Variants in SYNJ2 observed in about 807,000 individuals in gnomAD.
SYNJ2 encodes the protein synaptojanin 2.
A neutral mutation model predicts 141.3 loss-of-function variants in SYNJ2; 116 were observed. The ratio of observed to expected loss-of-function variants is 0.82; its 90% CI spans 0.71 to 0.96. The LOEUF is 0.96. Ranked by LOEUF, SYNJ2 falls within the 40% of genes least tolerant of loss-of-function variation. SYNJ2 has a pLI of 0.00. For missense variants in SYNJ2, 1,873 were observed against 1,934.8 expected (o/e 0.97, Z 0.60); for synonymous variants, 745 against 777.7 (o/e 0.96, Z 0.70).
chr6:158,008,596 G>A (rs1207381871), intron 1 of SYNJ2, among the ~76,000 whole-genome samples: 1 of 152,230 alleles, frequency 6.6e-6, no homozygotes, highest in Non-Finnish European at 1.5e-5. Context: ...CTGGGAGAAG[G>A]TGGAGTTGGT....
chr6:158,077,231 T>A (rs1253672595), intron 17 of SYNJ2, among the ~76,000 whole-genome samples: 2 of 152,234 alleles, frequency 1.3e-5, no homozygotes, highest in East Asian at 3.9e-4. Flanking sequence ...CAACCTCAGG[T>A]GATCTGCCCA....
intron 6 of SYNJ2, among the ~76,000 whole-genome samples, chr6:158,056,029 T>A (rs1763067089): frequency 1.3e-5 from 2 of 152,140 alleles, no homozygotes; most frequent in South Asian, 4.1e-4. Flanking sequence ...TGGCTGAGCT[T>A]GGTGGCTCAG....
chr6:158,093,423 G>A (rs1317330660), intron 26 of SYNJ2, among the ~76,000 whole-genome samples: 1 of 144,734 alleles, frequency 6.9e-6, no homozygotes, highest in African/African-American at 2.6e-5. Context: ...GCAGCAGAGT[G>A]AGACTCCACC....
intron 5 of SYNJ2, among the ~76,000 whole-genome samples, chr6:158,049,878 C>G (rs562718116): frequency 6.6e-6 from 1 of 152,020 alleles, no homozygotes; most frequent in South Asian, 2.1e-4. Flanking sequence ...GGACATGGCT[C>G]TGCAGGTATG....
chr6:157,999,857 TTC>T (rs1445673847), intron 1 of SYNJ2, among the ~76,000 whole-genome samples: 1 of 152,146 alleles, frequency 6.6e-6, no homozygotes, highest in Non-Finnish European at 1.5e-5. Flanking sequence ...GGGAGACCTG[TTC>T]TCTTTCGAGC....
At chr6:157,999,118 C>G (rs760737962) in intron 1 of SYNJ2, among the ~76,000 whole-genome samples, 1 of 152,184 alleles carries the variant, frequency 6.6e-6, no homozygotes, top group Non-Finnish European at 1.5e-5. Context: ...ACAAATAGTT[C>G]AACAGAGAAA....
chr6:158,063,495 C>T (rs1244418528), intron 8 of SYNJ2, among the ~76,000 whole-genome samples: 1 of 151,838 alleles, frequency 6.6e-6, no homozygotes, highest in Non-Finnish European at 1.5e-5. Flanking sequence ...ACCGTCTGTA[C>T]TAAAAATACA....
chr6:158,045,390 G>A (rs567441378), intron 5 of SYNJ2, among the ~76,000 whole-genome samples: 3 of 152,160 alleles, frequency 2.0e-5, no homozygotes, highest in East Asian at 1.9e-4. Context: ...GATTACAGGC[G>A]TGAGCCACCG....
At chr6:158,088,550 G>C in intron 23 of SYNJ2, 110 bp from the exon 24 acceptor site, 1 of 772,540 alleles carries the variant, frequency 1.3e-6, no homozygotes, top group East Asian at 2.4e-5. Flanking sequence ...GGACCTCACC[G>C]TGTCTGTGGT....
chr6:158,085,747 G>A (rs768774348), intron 22 of SYNJ2, among the ~76,000 whole-genome samples: 8 of 152,110 alleles, frequency 5.3e-5, no homozygotes, highest in Non-Finnish European at 1.0e-4. Context: ...TGGGACCCTG[G>A]AAGCCTGGCG....
chr6:158,083,950 C>T lies in SYNJ2; in HGVS notation c.3035-51C>T, dbSNP rs566137187. On this transcript the variant is annotated intron_variant, in intron 21 of 26. Transcript: ENST00000355585. The stretch of plus-strand genomic sequence containing the variant: ...CAGTCCCACTGATGGAAGACTGAGC[C>T]TTTCCCCCTCATTGTTTTCACCCGA... 92 of 1,593,318 alleles carry T rather than the reference C, an allele frequency of 5.8e-5. No homozygotes were observed. In the East Asian group the frequency reaches 2.0e-3, roughly 35 times the overall value.
At chr6:157,989,227 C>T (rs1227174003) in intron 1 of SYNJ2, among the ~76,000 whole-genome samples, 1 of 151,876 alleles carries the variant, frequency 6.6e-6, no homozygotes, top group Admixed American at 6.6e-5. Flanking sequence ...GTGTTTACCA[C>T]CTACCAGGTG....
intron 22 of SYNJ2, among the ~76,000 whole-genome samples, chr6:158,086,324 G>A (rs893719188): frequency 2.0e-5 from 3 of 152,192 alleles, no homozygotes; most frequent in South Asian, 2.1e-4. Context: ...TGCAGGGCAG[G>A]TCAAGATGGC....
intron 1 of SYNJ2, among the ~76,000 whole-genome samples, chr6:157,993,832 T>G (rs1379106936): frequency 6.7e-4 from 53 of 79,246 alleles, no homozygotes; most frequent in African/African-American, 1.1e-3. Flanking sequence ...TTTTTTTTTT[T>G]GGGACGGAGT....
intron 1 of SYNJ2, among the ~76,000 whole-genome samples, chr6:157,984,980 G>A (rs771915454): frequency 2.0e-5 from 3 of 152,194 alleles, no homozygotes; most frequent in African/African-American, 4.8e-5. Flanking sequence ...ATCCTGCTCC[G>A]CTGCGGATGC....
In SYNJ2 at chr6:158,078,181, C is replaced by T. The variant is rs368186444; in HGVS notation, c.2467C>T (p.Leu823=). 2.5e-6 allele frequency: 4 copies of T among 1,613,256 alleles called. No individual in the cohort carries two copies. Among genetic ancestry groups the T allele is most frequent in the Non-Finnish European group, 3.4e-6 (4 of 1,179,380 alleles). ...GCGAGTAGCTGGAGAACTCAACCTTCTAGACAGTGATCTAGATGTTGACAC... is the reference window on the plus strand; with the variant it reads ...GCGAGTAGCTGGAGAACTCAACCTTTTAGACAGTGATCTAGATGTTGACAC... The part of the protein sequence containing the change: ...FDKTAGELNL[L]DSDLDVDTKV... The change falls in exon 18 of 27, where the codon CTA becomes TTA. Residue 823 remains leucine, a synonymous_variant. Coordinates refer to ENST00000355585, the MANE Select transcript of SYNJ2 (RefSeq NM_003898.4).
chr6:158,091,497 C>T (rs1783447558), intron 25 of SYNJ2, among the ~76,000 whole-genome samples: 1 of 151,352 alleles, frequency 6.6e-6, no homozygotes, highest in African/African-American at 2.4e-5. Context: ...GCCTGTAATC[C>T]CAGCGCTTTG....
rs1269749098 is a variant in SYNJ2 at position 158,043,078 on chromosome 6, G to T, written c.712-238G>T. Among the ~76,000 whole-genome samples, 1 of 152,132 alleles carries T rather than the reference G, an allele frequency of 6.6e-6. No individual in the cohort carries two copies. Among genetic ancestry groups the T allele is most frequent in the African/African-American group, 2.4e-5 (1 of 41,422 alleles). On this transcript the variant is annotated intron_variant, in intron 4 of 26. Transcript: ENST00000355585. The surrounding 1 kb of genome is among the most constrained non-coding windows in gnomAD (Gnocchi z 4.0). ...TGTGAATTCCCGGAGACCCTGGGAG[G>T]CCCCAACCCCCAGCAGACCCCCTCC...
chr6:157,984,398 TA>T lies in SYNJ2; in HGVS notation c.127+2311del, dbSNP rs149613650. Among the ~76,000 whole-genome samples the T allele has an allele frequency of 6.1e-4, 93 of 152,322 alleles. 1 individual carries two copies. In the South Asian group the frequency reaches 0.011, roughly 18 times the overall value. ...ACTTTCCTTTCTTGGAGAAAGTGAT[TA>T]TTTTTTTTCTTTTTTTTGAGATGGA... On this transcript the variant is annotated intron_variant, in intron 1 of 26. Transcript: ENST00000355585.
Sources: allele counts gnomAD v4.1 joint callset (sites outside exome capture counted in the v4.1 genomes callset), GRCh38; gene constraint gnomAD v4.1.1; non-coding constraint Gnocchi (gnomAD v3.1); transcripts MANE v1.5; gene names NCBI Gene and HGNC (gene_info 2026-07-23, HGNC 2026-07-21).